The following FHIT variants were observed in gnomAD, a reference collection of about 807,000 sequenced individuals.
The protein encoded by FHIT is bis(5'-adenosyl)-triphosphatase.
Under a neutral mutation model 17.9 loss-of-function variants are expected in FHIT, and 19 were observed. The observed-to-expected ratio is 1.06, with a 90% CI of 0.74 to 1.56. The LOEUF (loss-of-function observed/expected upper bound fraction) is 1.56. Ranked by LOEUF, FHIT falls within the 40% of genes most tolerant of loss-of-function variation. The probability of loss-of-function intolerance (pLI) is 0.00; values close to 1 mark genes in which losing one functional copy is unlikely to be tolerated. For missense variants in FHIT, 248 were observed against 189.2 expected, an observed-to-expected ratio of 1.31 and a Z score of -1.82; for synonymous variants, 81 against 69.7, an observed-to-expected ratio of 1.16 and a Z score of -0.81.
intron 3 of FHIT, among the ~76,000 whole-genome samples, chr3:60,936,830 T>G (rs555562691): frequency 6.6e-6 from 1 of 152,350 alleles, no homozygotes; most frequent in African/African-American, 2.4e-5. Flanking sequence ...TAATTTTCAT[T>G]TTTTAATACA....
At chr3:60,884,505 T>C (rs2107142256) in intron 3 of FHIT, among the ~76,000 whole-genome samples, 1 of 152,266 alleles carries the variant, frequency 6.6e-6, no homozygotes, top group Middle Eastern at 3.4e-3. Flanking sequence ...GAAAATGTGG[T>C]ATATACACAC....
At chr3:60,735,858 A>G (rs1266537126) in intron 4 of FHIT, among the ~76,000 whole-genome samples, 2 of 152,350 alleles carry the variant, frequency 1.3e-5, no homozygotes, top group Admixed American at 1.3e-4. Flanking sequence ...TAGGTACTCA[A>G]TGTCTATGCT....
chr3:60,301,746 AAC>A (rs1487524339), intron 5 of FHIT, among the ~76,000 whole-genome samples: 1 of 152,188 alleles, frequency 6.6e-6, no homozygotes, highest in East Asian at 1.9e-4. Flanking sequence ...ACCTAATTTT[AAC>A]AGTTACTAAT....
intron 3 of FHIT, among the ~76,000 whole-genome samples, chr3:60,831,343 T>C (rs1346056749): frequency 6.6e-6 from 1 of 152,206 alleles, no homozygotes; most frequent in Non-Finnish European, 1.5e-5. Flanking sequence ...AGAGAACTTC[T>C]TATAATGCAA....
At chr3:60,429,802 A>T (rs1373589597) in intron 5 of FHIT, among the ~76,000 whole-genome samples, 2 of 152,050 alleles carry the variant, frequency 1.3e-5, no homozygotes, top group Non-Finnish European at 1.5e-5. Flanking sequence ...ATATCAATAT[A>T]CTCACTGTAT....
At chr3:61,153,118 G>C (rs1301239409) in intron 2 of FHIT, among the ~76,000 whole-genome samples, 1 of 149,624 alleles carries the variant, frequency 6.7e-6, no homozygotes, top group East Asian at 2.0e-4. Context: ...ACTCCAGCCT[G>C]GGTGCCAGAG....
chr3:60,883,396 C>T (rs1705060962), intron 3 of FHIT, among the ~76,000 whole-genome samples: 2 of 151,980 alleles, frequency 1.3e-5, no homozygotes, highest in Admixed American at 6.6e-5. Flanking sequence ...ACTGAAGACC[C>T]CAAATAGCCA....
chr3:61,049,152 A>G lies in FHIT; in HGVS notation c.-163-7053T>C, dbSNP rs545161834. Among the ~76,000 whole-genome samples the G allele has an allele frequency of 2.2e-3, 332 of 151,854 alleles. 2 individuals carry two copies. Among genetic ancestry groups the G allele is most frequent in the Non-Finnish European group, 1.8e-3 (123 of 67,930 alleles). On this transcript the variant is annotated intron_variant, in intron 2 of 9. Transcript: ENST00000492590. ...AAAATATATGTATATATATTTTTAAAATCCATAACTTCATAATGACACATG... is the reference window on the plus strand; with the variant it reads ...AAAATATATGTATATATATTTTTAAGATCCATAACTTCATAATGACACATG...
At chr3:61,041,683 CAAA>C (rs368794932) in intron 3 of FHIT, among the ~76,000 whole-genome samples, 1 of 133,264 alleles carries the variant, frequency 7.5e-6, no homozygotes. Flanking sequence ...AAAAATAAAG[CAAA>C]AAAAAAAAAA....
chr3:61,143,478 T>C (rs535951841), intron 2 of FHIT, among the ~76,000 whole-genome samples: 19 of 152,330 alleles, frequency 1.2e-4, no homozygotes, highest in African/African-American at 3.6e-4. Context: ...TAAACAGTTA[T>C]GGTGCTGCAG....
chr3:59,974,268 T>C (rs888017791), intron 7 of FHIT, among the ~76,000 whole-genome samples: 1 of 152,188 alleles, frequency 6.6e-6, no homozygotes, highest in Non-Finnish European at 1.5e-5. Flanking sequence ...AAAAGCCGTG[T>C]TCTCATTCTG....
intron 3 of FHIT, among the ~76,000 whole-genome samples, chr3:61,040,281 C>T (rs1201609741): frequency 3.3e-5 from 5 of 152,100 alleles, no homozygotes; most frequent in Admixed American, 6.5e-5. Context: ...TTTCACAGAC[C>T]CAGAGAATTC....
At chr3:60,444,712 G>T (rs755798495) in intron 5 of FHIT, among the ~76,000 whole-genome samples, 3 of 151,976 alleles carry the variant, frequency 2.0e-5, no homozygotes, top group Non-Finnish European at 4.4e-5. Context: ...GGGGGAGTGG[G>T]AGAGATAGCA....
intron 8 of FHIT, among the ~76,000 whole-genome samples, chr3:59,856,392 A>T (rs1459405515): frequency 6.6e-6 from 1 of 152,240 alleles, no homozygotes; most frequent in Non-Finnish European, 1.5e-5. Context: ...CAAGGAAGAC[A>T]TCATTCCAAT....
intron 3 of FHIT, among the ~76,000 whole-genome samples, chr3:60,935,810 CTG>C (rs1314640973): frequency 6.6e-6 from 1 of 152,178 alleles, no homozygotes; most frequent in Non-Finnish European, 1.5e-5. Context: ...TCAAGCAAAA[CTG>C]AGTCTTCTAA....
intron 5 of FHIT, among the ~76,000 whole-genome samples, chr3:60,441,433 G>C (rs1449529985): frequency 6.6e-6 from 1 of 151,712 alleles, no homozygotes; most frequent in Non-Finnish European, 1.5e-5. Context: ...CATTTAAATA[G>C]TGGGCTGAAG....
At chr3:61,141,685 A>G (rs1365670947) in intron 2 of FHIT, among the ~76,000 whole-genome samples, 3 of 151,412 alleles carry the variant, frequency 2.0e-5, no homozygotes, top group Admixed American at 6.6e-5. Flanking sequence ...TCAAGAACCA[A>G]TGTTCTCTGC....
chr3:60,336,894 CA>C (rs35302219), intron 5 of FHIT, among the ~76,000 whole-genome samples: 27,609 of 104,628 alleles, frequency 0.26, 2,457 homozygotes, highest in African/African-American at 0.32. Context: ...TCAAAGTAAG[CA>C]AAAAAAAAAA....
At chr3:61,125,747 G>C (rs1486710031) in intron 2 of FHIT, among the ~76,000 whole-genome samples, 2 of 152,208 alleles carry the variant, frequency 1.3e-5, no homozygotes, top group African/African-American at 4.8e-5. Context: ...GTGGGACAAT[G>C]ATGGAGCAGT....
Sources: allele counts gnomAD v4.1 joint callset (sites outside exome capture counted in the v4.1 genomes callset), GRCh38; gene constraint gnomAD v4.1.1; transcripts MANE v1.5; gene names NCBI Gene and HGNC (gene_info 2026-07-23, HGNC 2026-07-21).